The following KIFC3 variants were observed in gnomAD, a reference collection of about 807,000 sequenced individuals.
KIFC3 encodes the protein kinesin-like protein KIFC3.
Under a neutral mutation model 101.8 loss-of-function variants are expected in KIFC3, and 60 were observed. The ratio of observed to expected loss-of-function variants is 0.59; its 90% confidence interval spans 0.48 to 0.73. The LOEUF (loss-of-function observed/expected upper bound fraction) is 0.73, where lower values mean the gene tolerates loss of function less well. Ranked by LOEUF, KIFC3 falls within the 30% of genes least tolerant of loss-of-function variation. KIFC3 has a pLI of 0.00. For synonymous variants in KIFC3, 476 were observed against 482.7 expected (o/e 0.99, Z 0.18); for missense variants, 966 against 1,137.1 (o/e 0.85, Z 2.16).
chr16:57,790,696 T>G (rs2053800050), intron 3 of KIFC3, among the ~76,000 whole-genome samples: 1 of 152,204 alleles, frequency 6.6e-6, no homozygotes, highest in Non-Finnish European at 1.5e-5. Flanking sequence ...AACAGACAAC[T>G]GCAGCCAAGT....
At position 57,759,147 on chromosome 16, in the gene KIFC3, C is replaced by G; in HGVS notation, c.*2G>C. ...CACCTAGAGACTCTGCAGCCCCAGC[C>G]GTCAGGCTGAAATCAAAGTGACAGG... On this transcript the variant is annotated 3_prime_UTR_variant, in exon 19 of 20. Coordinates refer to ENST00000445690, the MANE Select transcript of KIFC3 (RefSeq NM_001130100.2). 1 of 1,550,886 alleles carries G rather than the reference C, an allele frequency of 6.4e-7. No homozygotes were observed. Among genetic ancestry groups the G allele is most frequent in the Non-Finnish European group, 8.7e-7 (1 of 1,146,982 alleles).
At chr16:57,780,913 G>A (rs928669541) in intron 3 of KIFC3, among the ~76,000 whole-genome samples, 1 of 151,998 alleles carries the variant, frequency 6.6e-6, no homozygotes, top group Non-Finnish European at 1.5e-5. Context: ...GACCTCAGAA[G>A]ATCTGCCCAC....
chr16:57,784,270 A>C (rs2053082967), intron 3 of KIFC3, among the ~76,000 whole-genome samples: 1 of 152,204 alleles, frequency 6.6e-6, no homozygotes. Flanking sequence ...GCTAGCCTAG[A>C]GGAGTCCCCA....
rs552946723 is a variant in KIFC3, at chr16:57,797,608, C to G, written c.172+464G>C. 226 of 837,056 alleles carry G rather than the reference C, an allele frequency of 2.7e-4. 1 individual carries two copies. The African/African-American group carries it at 4.1e-3, about 15-fold the overall frequency. 51.9% of individuals were successfully genotyped at this position (837,056 alleles called of 1,614,324 possible). On this transcript the variant is annotated intron_variant, in intron 2 of 19. Transcript: ENST00000445690. ...CCCAAGCCCCGCCAGGCCACGTTCC[C>G]GAGCAGCCTCGGTCCACTCCCAACG...
intron 1 of KIFC3, among the ~76,000 whole-genome samples, chr16:57,837,113 G>A (rs1051268506): frequency 5.9e-5 from 9 of 152,126 alleles, no homozygotes; most frequent in Non-Finnish European, 7.3e-5. Flanking sequence ...CAGAGTTGGC[G>A]AGTGAGGGCA....
chr16:57,809,259 G>T lies in KIFC3; in HGVS notation c.109-10977C>A, dbSNP rs148769449. On this transcript the variant is annotated intron_variant, in intron 1 of 2. Coordinates refer to the KIFC3 transcript ENST00000563028. ...GAATGGAGGTTCCAGTGTCTGGGGC[G>T]CACCTAGCACTCAATAAAAATGGCT... is the stretch of plus-strand genomic sequence containing the variant. 8.7e-4 allele frequency among the ~76,000 whole-genome samples: 132 copies of T among 152,248 alleles called. No homozygotes were observed. The Middle Eastern group carries it at 0.024, about 27-fold the overall frequency.
At chr16:57,829,760 C>G (rs1429012195) in intron 1 of KIFC3, among the ~76,000 whole-genome samples, 1 of 152,214 alleles carries the variant, frequency 6.6e-6, no homozygotes, top group African/African-American at 2.4e-5. Flanking sequence ...TCTCACGGAG[C>G]TGCAGAGTTG....
At chr16:57,816,234 G>A (rs1197904292) in intron 1 of KIFC3, 1 of 1,288,372 alleles carries the variant, frequency 7.8e-7, no homozygotes, top group African/African-American at 1.5e-5. Flanking sequence ...GAAAACCGAG[G>A]CCCGGAAAGT....
intron 3 of KIFC3, chr16:57,788,795 G>A (rs527925288): frequency 1.2e-4 from 146 of 1,241,522 alleles, no homozygotes; most frequent in African/African-American, 2.5e-4. Flanking sequence ...GTGTGCTCCC[G>A]GAGCTGGCAA....
chr16:57,831,395 C>T (rs1463292096), intron 1 of KIFC3, among the ~76,000 whole-genome samples: 4 of 152,198 alleles, frequency 2.6e-5, no homozygotes, highest in African/African-American at 9.7e-5. Context: ...GTTATTAGAA[C>T]GCATCTTAAG....
chr16:57,847,048 G>T (rs1165898161), intron 1 of KIFC3, among the ~76,000 whole-genome samples: 1 of 151,744 alleles, frequency 6.6e-6, no homozygotes, highest in South Asian at 2.1e-4. Context: ...AGCCACGTGT[G>T]CTGGCGAACA....
chr16:57,831,034 CT>C (rs2055570639), intron 1 of KIFC3, among the ~76,000 whole-genome samples: 1 of 152,204 alleles, frequency 6.6e-6, no homozygotes, highest in Non-Finnish European at 1.5e-5. Context: ...TTCATCAGCC[CT>C]GGTGATGGTG....
At chr16:57,858,175 C>T (rs2056219991) in intron 1 of KIFC3, among the ~76,000 whole-genome samples, 1 of 152,088 alleles carries the variant, frequency 6.6e-6, no homozygotes, top group Admixed American at 6.6e-5. Flanking sequence ...CAAGTCTTTG[C>T]TACTATGAAT....
rs147465887 is a variant in KIFC3 at position 57,767,609 on chromosome 16, T to C, written c.1219-624A>G. Among the ~76,000 whole-genome samples, 824 of 152,272 alleles carry C rather than the reference T, an allele frequency of 5.4e-3. 9 individuals carry two copies. Among genetic ancestry groups the C allele is most frequent in the South Asian group, 0.035 (168 of 4,826 alleles). ...CCCTGATATAAAATGATATAGTGTT[T>C]GCCTATAACCTACACACATCCTCCC... On this transcript the variant is annotated intron_variant, in intron 9 of 19. Coordinates refer to ENST00000445690, the MANE Select transcript of KIFC3 (RefSeq NM_001130100.2).
At chr16:57,813,750 C>T (rs1179661931) in intron 1 of KIFC3, 19 of 985,300 alleles carry the variant, frequency 1.9e-5, no homozygotes, top group Non-Finnish European at 2.3e-5. Flanking sequence ...TCCTCACAGC[C>T]TCTGCAGCAC....
intron 19 of KIFC3, 81 bp downstream of exon 19, chr16:57,759,044 C>T: frequency 1.3e-6 from 2 of 1,541,038 alleles, no homozygotes; most frequent in Non-Finnish European, 1.8e-6. Context: ...CAGCTCTGAA[C>T]AGCAGAACGT....
intron 12 of KIFC3, among the ~76,000 whole-genome samples, chr16:57,762,639 A>G (rs1567938205): frequency 6.6e-6 from 1 of 152,098 alleles, no homozygotes; most frequent in Non-Finnish European, 1.5e-5. Flanking sequence ...AAAGGCGCTC[A>G]GTCTCAGGGA....
chr16:57,816,238 G>A (rs1277811103), intron 1 of KIFC3: 16 of 1,288,662 alleles, frequency 1.2e-5, no homozygotes, highest in East Asian at 1.1e-4. Flanking sequence ...ACCGAGGCCC[G>A]GAAAGTGTCA....
chr16:57,762,000 A>ACCCCTGAGGATCCCAAAGCTG, intron 13 of KIFC3, 140 bp downstream of exon 13: 1 of 1,073,750 alleles, frequency 9.3e-7, no homozygotes. Context: ...CTCCAGCACC[A>ACCCCTGAGGATCCCAAAGCTG]CCCCTGAGGA....
Sources: gnomAD v4.1 joint callset for allele counts (sites outside exome capture counted in the v4.1 genomes callset) on GRCh38, gnomAD v4.1.1 for gene constraint, MANE v1.5 for transcripts, NCBI Gene and HGNC (gene_info 2026-07-23, HGNC 2026-07-21) for gene names.